Variants in USF3 observed in about 807,000 individuals in gnomAD.
USF3 encodes upstream transcription factor family member 3.
A neutral mutation model predicts 157.5 loss-of-function variants in USF3; 29 were observed. That is an observed-to-expected ratio of 0.18 (90% CI 0.14 to 0.25). The LOEUF (loss-of-function observed/expected upper bound fraction) is 0.25. USF3 is among the 10% of genes least tolerant of loss of function. USF3 has a pLI of 1.00. For missense variants in USF3, 2,381 were observed against 2,667.6 expected, an observed-to-expected ratio of 0.89 and a Z score of 2.37; for synonymous variants, 893 against 941.4, an observed-to-expected ratio of 0.95 and a Z score of 0.94.
At position 113,656,201 on chromosome 3, in the gene USF3, G is replaced by A. The variant is rs756290469; in HGVS notation, c.5481C>T (p.His1827=). ...QSFMQSLLAP[H]LSDQVIGSQR... ...GGCTCCCAATGACCTGATCACTGAG[G>A]TGAGGGGCAAGTAAGCTCTGCATGA... The change falls in exon 7 of 7, where the codon CAC becomes CAT. Residue 1827 remains histidine (H), a synonymous_variant. Transcript: ENST00000316407. 12 of 1,614,022 alleles carry A rather than the reference G, an allele frequency of 7.4e-6. No homozygotes were observed. Among genetic ancestry groups the A allele is most frequent in the Non-Finnish European group, 9.3e-6 (11 of 1,180,018 alleles).
chr3:113,649,820 G>C lies in USF3; in HGVS notation c.*5124C>G, dbSNP rs1560166500. 1 of 702,786 alleles carries C rather than the reference G, an allele frequency of 1.4e-6. No homozygotes were observed. Among genetic ancestry groups the C allele is most frequent in the Non-Finnish European group, 2.6e-6 (1 of 384,880 alleles). The allele number at this position is 702,786 out of a possible 1,614,324, so 43.5% of individuals were successfully genotyped here. ...CATGGACTGACTCAATCTAAATTTG[G>C]TGTCCCCCCTCCACAGGTTCTAGTA... is the stretch of plus-strand genomic sequence containing the variant. On this transcript the variant is annotated 3_prime_UTR_variant, in exon 7 of 7. Transcript: ENST00000316407.
rs1454636379 is a variant in USF3, at chr3:113,655,125, G to C, written c.6557C>G (p.Ser2186Cys). Residue 2186 changes from serine to cysteine, a missense_variant, in exon 7 of 7, where the codon TCC becomes TGC. Ser to Cys is a moderately radical substitution (Grantham distance 112). This residue lies in a region of USF3 where 770 missense variants were observed against 824.2 expected (regional missense o/e 0.93). Coordinates refer to ENST00000316407, the MANE Select transcript of USF3 (RefSeq NM_001009899.4). ...AAACAAAGATGTCATATTAAAATTG[G>C]ATAAGTGAGAGTTGGTCATGTGCAT... The part of the protein sequence containing the change: ...PPMHMTNSHL[S>C]NFNMTSLFPE... 4 of 1,614,050 alleles carry C rather than the reference G, an allele frequency of 2.5e-6. No homozygotes were observed. Among genetic ancestry groups the C allele is most frequent in the African/African-American group, 1.3e-5 (1 of 74,932 alleles).
Position 113,655,859 on chromosome 3 carries a change from G to C in USF3, c.5823C>G (p.Thr1941=). Residue 1941 remains threonine (T), a synonymous_variant, in exon 7 of 7, where the codon ACC becomes ACG. Coordinates refer to ENST00000316407, the MANE Select transcript of USF3 (RefSeq NM_001009899.4). ...CTGGCCTTGCAACCCCATGCATGTT[G>C]GTTGTGACTGGAGGGTTCATGTGGC... The part of the protein sequence containing the change: ...TKGHMNPPVT[T]NMHGVARPAL... 6.2e-7 allele frequency: 1 copy of C among 1,614,158 alleles called. No individual in the cohort carries two copies. The highest frequency in any genetic ancestry group is 8.5e-7 in the Non-Finnish European group (1 of 1,180,020).
chr3:113,661,096 C>G lies in USF3; in HGVS notation c.586G>C (p.Val196Leu). ...VQRTCNLVTP[V>L]SISGVYPSEN... ...GAAGGGTAAACTCCAGAAATAGATA[C>G]AGGAGTCACAAGATTGCAAGTCCTC... Residue 196 changes from valine to leucine, a missense_variant, in exon 7 of 7, where the codon GTA becomes CTA. Transcript: ENST00000316407. The G allele has an allele frequency of 6.2e-7, 1 of 1,614,194 alleles. No homozygotes were observed.
chr3:113,660,817 T>C lies in USF3; in HGVS notation c.865A>G (p.Asn289Asp), dbSNP rs1333898107. The C allele has an allele frequency of 2.5e-6, 4 of 1,614,200 alleles. No individual in the cohort carries two copies. The highest frequency in any genetic ancestry group is 8.5e-7 in the Non-Finnish European group (1 of 1,180,042). Residue 289 changes from asparagine to aspartate, a missense_variant, in exon 7 of 7, where the codon AAC becomes GAC. Physicochemically the swap from Asn to Asp is conservative, Grantham distance 23. Around this residue, in one of 6 missense-constraint regions of USF3, gnomAD observed 1,435 missense variants for 1,550.9 expected, o/e 0.93. Coordinates refer to ENST00000316407, the MANE Select transcript of USF3 (RefSeq NM_001009899.4). Reference sequence around the variant, plus strand: ...GTCATTTTCTTCAATACTTTGGGGTTCTCTTGTCCATTCTTATTTTCAGAA... The same window carrying C: ...GTCATTTTCTTCAATACTTTGGGGTCCTCTTGTCCATTCTTATTTTCAGAA... The part of the protein sequence containing the change: ...NSSENKNGQE[N>D]PKVLKKMTPC...
intron 1 of USF3, among the ~76,000 whole-genome samples, chr3:113,686,680 C>T (rs1454714734): frequency 1.3e-5 from 2 of 152,196 alleles, no homozygotes; most frequent in African/African-American, 4.8e-5. Context: ...CTGCCTCATC[C>T]CTTCCTCAGT....
Position 113,660,603 on chromosome 3 carries a change from C to A in USF3, c.1079G>T (p.Ser360Ile), listed in dbSNP as rs1947465944. The change falls in exon 7 of 7, where the codon AGT becomes ATT. Residue 360 changes from serine (S) to isoleucine (I), a missense_variant. This residue lies in a region of USF3 where 1,435 missense variants were observed against 1,550.9 expected (regional missense o/e 0.93). Transcript: ENST00000316407. Reference protein sequence around the residue: ...TAGDSSPMSISKSADLTSTAT... With the variant: ...TAGDSSPMSIIKSADLTSTAT... ...TGTACTTGTCAAGTCTGCACTCTTACTAATGCTCATTGGAGAAGAATCACC... is the reference window on the plus strand; with the variant it reads ...TGTACTTGTCAAGTCTGCACTCTTAATAATGCTCATTGGAGAAGAATCACC... 17 of 1,614,084 alleles carry A rather than the reference C, an allele frequency of 1.1e-5. No individual in the cohort carries two copies. The highest frequency in any genetic ancestry group is 1.4e-5 in the Non-Finnish European group (17 of 1,180,048).
Position 113,657,257 on chromosome 3 carries a change from TTGCTGTTGCTGCTGCTGCTGCTGC to T in USF3, c.4401_4424del (p.Gln1471_Gln1478del). On this transcript the variant is annotated inframe_deletion, in exon 7 of 7. Transcript: ENST00000316407. ...CTCTTAACTGCCCTGCTTGTTGTTG[TTGCTGTTGCTGCTGCTGCTGCTGC>T]TGCTGCTGCTGCTGCTGCTTTATGT... The T allele has an allele frequency of 1.9e-6, 3 of 1,561,654 alleles. No individual in the cohort carries two copies. The highest frequency in any genetic ancestry group is 2.6e-6 in the Non-Finnish European group (3 of 1,158,398).
intron 1 of USF3, among the ~76,000 whole-genome samples, chr3:113,685,367 T>G (rs1241133810): frequency 6.6e-6 from 1 of 152,100 alleles, no homozygotes; most frequent in Non-Finnish European, 1.5e-5. Context: ...TCACTGATGT[T>G]TATTCAAGCC....
Position 113,654,934 on chromosome 3 carries a change from TTATCA to T in USF3, c.*5_*9del. 1 of 1,596,680 alleles carries T rather than the reference TTATCA, an allele frequency of 6.3e-7. No homozygotes were observed. The highest frequency in any genetic ancestry group is 8.5e-7 in the Non-Finnish European group (1 of 1,170,148). ...CTCACTCATTACCTTTACATTTTGT[TTATCA>T]GTATTTAAACAGCTGAACTGCAATC... On this transcript the variant is annotated 3_prime_UTR_variant, in exon 7 of 7. Coordinates refer to ENST00000316407, the MANE Select transcript of USF3 (RefSeq NM_001009899.4).
Position 113,656,758 on chromosome 3 carries a change from A to G in USF3, c.4924T>C (p.Ser1642Pro), listed in dbSNP as rs2107918403. Residue 1642 changes from serine to proline, a missense_variant, in exon 7 of 7, where the codon TCC becomes CCC. Physicochemically the swap from Ser to Pro is moderately conservative, Grantham distance 74. Transcript: ENST00000316407. The part of the protein sequence containing the change: ...TSRGLEQQMV[S>P]QPSIVTRSSD... The stretch of plus-strand genomic sequence containing the variant: ...GATCTAGTCACAATACTTGGTTGGG[A>G]CACCATTTGCTGCTCTAAGCCTCTT... 1.2e-6 allele frequency: 2 copies of G among 1,614,172 alleles called. No individual in the cohort carries two copies. Among genetic ancestry groups the G allele is most frequent in the Middle Eastern group, 1.6e-4 (1 of 6,062 alleles).
In USF3 at chr3:113,659,323, A is replaced by T; in HGVS notation, c.2359T>A (p.Leu787Met). 6.2e-7 allele frequency: 1 copy of T among 1,614,228 alleles called. No individual in the cohort carries two copies. Among genetic ancestry groups the T allele is most frequent in the Non-Finnish European group, 8.5e-7 (1 of 1,180,032 alleles). Residue 787 changes from leucine to methionine, a missense_variant, in exon 7 of 7, where the codon TTG (leucine) becomes ATG (methionine). Around this residue, in one of 6 missense-constraint regions of USF3, gnomAD observed 1,435 missense variants for 1,550.9 expected, o/e 0.93. Transcript: ENST00000316407. ...STSSMNTVAC[L>M]PNMKSKRLNK... ...AACCTTTTAGATTTCATGTTAGGCA[A>T]ACAAGCAACAGTGTTCATTGAGGAA...
chr3:113,690,418 A>G (rs1236402592), intron 1 of USF3, among the ~76,000 whole-genome samples: 2 of 152,092 alleles, frequency 1.3e-5, no homozygotes, highest in African/African-American at 4.8e-5. Context: ...TGCAGACTCT[A>G]CAGTACTATT....
At chr3:113,670,249 A>C in intron 4 of USF3, 46 bp from the exon 5 acceptor site, 1 of 1,098,122 alleles carries the variant, frequency 9.1e-7, no homozygotes, top group Non-Finnish European at 1.4e-6. Context: ...CTACTTAGTC[A>C]AAGTGCCCTC....
rs1199333690 is a variant in USF3, at chr3:113,658,783, T to C, written c.2899A>G (p.Thr967Ala). The C allele has an allele frequency of 1.2e-6, 2 of 1,614,010 alleles. No homozygotes were observed. Among genetic ancestry groups the C allele is most frequent in the Non-Finnish European group, 1.7e-6 (2 of 1,180,012 alleles). The part of the protein sequence containing the change: ...QVPGLSSTTS[T>A]TSTDCVSEVE... ...TCAGAAACACAGTCAGTACTTGTAG[T>C]GCTTGTTGTAGATGACAAACCAGGA... Residue 967 changes from threonine (T) to alanine (A), a missense_variant, in exon 7 of 7, where the codon ACT becomes GCT. Transcript: ENST00000316407.
rs535744804 is a variant in USF3, at chr3:113,683,909, G to A, written c.-134-6512C>T. On this transcript the variant is annotated intron_variant, in intron 1 of 6. Coordinates refer to ENST00000316407, the MANE Select transcript of USF3 (RefSeq NM_001009899.4). ...GAGTATCTTACACACTAGAATTACA[G>A]TGTTAAAATATTCTGTATTTGTCTA... is the stretch of plus-strand genomic sequence containing the variant. Among the ~76,000 whole-genome samples, 6 of 152,284 alleles carry A rather than the reference G, an allele frequency of 3.9e-5. No individual in the cohort carries two copies. In the South Asian group the frequency reaches 1.0e-3, roughly 26 times the overall value.
Position 113,658,735 on chromosome 3 carries a change from A to C in USF3, c.2947T>G (p.Cys983Gly), listed in dbSNP as rs773944217. The C allele has an allele frequency of 6.2e-7, 1 of 1,614,074 alleles. No individual in the cohort carries two copies. ...TCTGATGAATCTTGCTCAACTCTGC[A>C]AGGTTCAGCAATGATTTCTACCTCA... ...VSEVEIIAEP[C>G]RVEQDSSDTM... Residue 983 changes from cysteine (C) to glycine (G), a missense_variant, in exon 7 of 7, where the codon TGC (cysteine) becomes GGC (glycine). Coordinates refer to ENST00000316407, the MANE Select transcript of USF3 (RefSeq NM_001009899.4).
chr3:113,667,054 T>G (rs1285290798), intron 5 of USF3, among the ~76,000 whole-genome samples: 2 of 152,220 alleles, frequency 1.3e-5, no homozygotes, highest in Non-Finnish European at 2.9e-5. Flanking sequence ...CTATCTCTGG[T>G]ACTTTGTAGA....
intron 5 of USF3, among the ~76,000 whole-genome samples, chr3:113,669,301 A>C (rs1039018162): frequency 1.1e-4 from 17 of 151,778 alleles, no homozygotes; most frequent in African/African-American, 3.9e-4. Flanking sequence ...TATGCTATTT[A>C]GAAATATAAC....
Sources: allele counts gnomAD v4.1 joint callset (sites outside exome capture counted in the v4.1 genomes callset), GRCh38; gene constraint gnomAD v4.1.1; regional missense constraint gnomAD v4.1.1; transcripts MANE v1.5; gene names NCBI Gene and HGNC (gene_info 2026-07-23, HGNC 2026-07-21).